The following HECW1 variants were observed in gnomAD, a reference collection of about 807,000 sequenced individuals.
The protein encoded by HECW1 is HECT, C2 and WW domain containing E3 ubiquitin protein ligase 1, also known as E3 ubiquitin-protein ligase HECW1.
Under a neutral mutation model 182.3 loss-of-function variants are expected in HECW1, and 61 were observed. The observed-to-expected ratio is 0.33, with a 90% CI of 0.27 to 0.41. HECW1 has a LOEUF of 0.41. Among genes scored for constraint, HECW1 ranks in the 10% least tolerant of loss-of-function variants. The pLI is 1.00. For missense variants in HECW1, 1,739 were observed against 2,108.9 expected (o/e 0.82, Z 3.44); for synonymous variants, 859 against 832.6 (o/e 1.03, Z -0.55).
chr7:43,205,951 A>G (rs1795435481), intron 2 of HECW1, among the ~76,000 whole-genome samples: 1 of 152,114 alleles, frequency 6.6e-6, no homozygotes, highest in Non-Finnish European at 1.5e-5. Flanking sequence ...CCCTCCAAGG[A>G]GAAGGTCTTT....
At chr7:43,448,854 G>T (rs964434612) in intron 11 of HECW1, among the ~76,000 whole-genome samples, 1 of 152,196 alleles carries the variant, frequency 6.6e-6, no homozygotes, top group Admixed American at 6.5e-5. Flanking sequence ...ATCTCTTTCT[G>T]GGAGGTTCTG....
At chr7:43,220,209 G>A (rs1255799791) in intron 2 of HECW1, among the ~76,000 whole-genome samples, 1 of 152,214 alleles carries the variant, frequency 6.6e-6, no homozygotes, top group Non-Finnish European at 1.5e-5. Context: ...TATAGCAAAA[G>A]GAGACAAATC....
chr7:43,394,268 T>C (rs1238070024), intron 6 of HECW1, among the ~76,000 whole-genome samples: 1 of 152,154 alleles, frequency 6.6e-6, no homozygotes, highest in Non-Finnish European at 1.5e-5. Context: ...GGATGTGGTC[T>C]CTGAACTGAT....
chr7:43,459,973 C>T (rs1468399745), intron 13 of HECW1, among the ~76,000 whole-genome samples: 4 of 152,090 alleles, frequency 2.6e-5, no homozygotes, highest in South Asian at 2.1e-4. Context: ...TTAATATTGC[C>T]GCATAGTCTT....
rs144403349 is a variant in HECW1 at position 43,237,121 on chromosome 7, AGAAG to A, written c.-31-6737_-31-6734del. ...TGGGAGGGAGGGAAGAAAGAAAAAA[AGAAG>A]GAAGGAAGGAAGGAAGTAGGTAGGT... On this transcript the variant is annotated intron_variant, in intron 2 of 29. Coordinates refer to ENST00000395891, the MANE Select transcript of HECW1 (RefSeq NM_015052.5). 5.0e-3 allele frequency among the ~76,000 whole-genome samples: 678 copies of A among 136,256 alleles called. 1 individual carries two copies. Among genetic ancestry groups the A allele is most frequent in the African/African-American group, 9.9e-3 (383 of 38,706 alleles). The allele number at this position is 136,256 out of a possible 152,430, so 89.4% of individuals were successfully genotyped here.
chr7:43,364,367 A>G (rs1323069856), intron 6 of HECW1, among the ~76,000 whole-genome samples: 1 of 152,186 alleles, frequency 6.6e-6, no homozygotes, highest in Admixed American at 6.5e-5. Context: ...GCTCTCATTT[A>G]TTGTATATCA....
At chr7:43,545,535 CTT>C (rs2081525839) in intron 26 of HECW1, among the ~76,000 whole-genome samples, 1 of 152,286 alleles carries the variant, frequency 6.6e-6, no homozygotes, top group African/African-American at 2.4e-5. Context: ...TCATGCATAA[CTT>C]TTGATTTTCC....
chr7:43,505,207 T>C (rs1203759338), intron 21 of HECW1, among the ~76,000 whole-genome samples: 2 of 152,184 alleles, frequency 1.3e-5, no homozygotes, highest in Non-Finnish European at 2.9e-5. Context: ...ACAAATGTGT[T>C]CTTTTTCTAC....
chr7:43,130,451 A>C (rs763186873), intron 2 of HECW1, among the ~76,000 whole-genome samples: 1 of 152,322 alleles, frequency 6.6e-6, no homozygotes, highest in East Asian at 1.9e-4. Context: ...GGGTGTCACT[A>C]TCTCAGGCAC....
At chr7:43,457,235 G>A (rs1057383203) in intron 13 of HECW1, among the ~76,000 whole-genome samples, 1 of 152,180 alleles carries the variant, frequency 6.6e-6, no homozygotes, top group African/African-American at 2.4e-5. Context: ...GACTGGAGTG[G>A]CAGCTTCAGG....
At chr7:43,274,932 C>T (rs189106566) in intron 3 of HECW1, among the ~76,000 whole-genome samples, 74 of 152,296 alleles carry the variant, frequency 4.9e-4, no homozygotes, top group African/African-American at 1.7e-3. Context: ...AACTATACAA[C>T]TCAATGCTGT....
intron 2 of HECW1, among the ~76,000 whole-genome samples, chr7:43,158,973 T>C (rs1031809369): frequency 2.6e-5 from 4 of 152,098 alleles, no homozygotes; most frequent in African/African-American, 7.2e-5. Context: ...GAGGTTCTGA[T>C]TGAGTAGGTG....
intron 9 of HECW1, among the ~76,000 whole-genome samples, chr7:43,441,051 G>T (rs2076871081): frequency 6.6e-6 from 1 of 152,176 alleles, no homozygotes; most frequent in African/African-American, 2.4e-5. Flanking sequence ...CTATGTGTTT[G>T]TTATTACTGG....
intron 5 of HECW1, among the ~76,000 whole-genome samples, chr7:43,338,168 T>A (rs910436574): frequency 2.6e-5 from 4 of 152,160 alleles, no homozygotes; most frequent in African/African-American, 9.7e-5. Context: ...GTGATGATAT[T>A]ACTGCTGCTC....
chr7:43,333,061 A>G (rs1238195233), intron 5 of HECW1, among the ~76,000 whole-genome samples: 1 of 152,184 alleles, frequency 6.6e-6, no homozygotes, highest in East Asian at 1.9e-4. Flanking sequence ...ACTAAGGCAG[A>G]GGATTGGTGC....
chr7:43,529,205 C>T (rs949594203), intron 24 of HECW1, among the ~76,000 whole-genome samples: 4 of 152,080 alleles, frequency 2.6e-5, no homozygotes, highest in South Asian at 2.1e-4. Context: ...CCCCTACCAT[C>T]GCTCCTTGCC....
intron 2 of HECW1, among the ~76,000 whole-genome samples, chr7:43,187,276 G>A (rs544087515): frequency 8.5e-5 from 13 of 152,150 alleles, no homozygotes; most frequent in East Asian, 1.9e-4. Flanking sequence ...CCCAGAAGTC[G>A]CACATCACTT....
intron 6 of HECW1, among the ~76,000 whole-genome samples, chr7:43,386,493 G>A (rs1339574688): frequency 1.3e-5 from 2 of 152,210 alleles, no homozygotes; most frequent in Non-Finnish European, 2.9e-5. Flanking sequence ...ATGTGCATGA[G>A]CCCTGAAGAA....
intron 8 of HECW1, among the ~76,000 whole-genome samples, chr7:43,416,351 G>A (rs1341170091): frequency 1.3e-5 from 2 of 151,226 alleles, no homozygotes; most frequent in Admixed American, 6.6e-5. Flanking sequence ...GGGGGTCAGG[G>A]GTCAGGGACC....
Sources: gnomAD v4.1 joint callset for allele counts (sites outside exome capture counted in the v4.1 genomes callset) on GRCh38, gnomAD v4.1.1 for gene constraint, MANE v1.5 for transcripts, NCBI Gene and HGNC (gene_info 2026-07-23, HGNC 2026-07-21) for gene names.